Variants in ZAN observed in about 807,000 individuals in gnomAD.
ZAN encodes the protein zonadhesin (gene/pseudogene).
A neutral mutation model predicts 286.2 loss-of-function variants in ZAN; 260 were observed. The observed-to-expected ratio is 0.91, with a 90% CI of 0.82 to 1.01. ZAN has a LOEUF of 1.01. Ranked by LOEUF, ZAN falls within the 50% of genes least tolerant of loss-of-function variation. The pLI is 0.00. For synonymous variants in ZAN, 1,368 were observed against 1,417.5 expected, an observed-to-expected ratio of 0.97 and a Z score of 0.79; for missense variants, 3,410 against 3,639.2, an observed-to-expected ratio of 0.94 and a Z score of 1.62.
chr7:100,739,006 T>TCTC (rs1807557008), intron 7 of ZAN, among the ~76,000 whole-genome samples: 1 of 76,232 alleles, frequency 1.3e-5, no homozygotes, highest in Non-Finnish European at 3.1e-5. Flanking sequence ...TCCTTCTCCT[T>TCTC]CTTCTTTTTC....
chr7:100,765,246 G>T, intron 22 of ZAN, 106 bp from the exon 23 acceptor site: 1 of 1,259,958 alleles, frequency 7.9e-7, no homozygotes, highest in Non-Finnish European at 1.1e-6. Context: ...TCTCGAGATT[G>T]GCCAGAAGCC....
In ZAN at chr7:100,762,330, T is replaced by G. The variant is rs1584586032; in HGVS notation, c.3958T>G (p.Trp1320Gly). 1 of 1,611,284 alleles carries G rather than the reference T, an allele frequency of 6.2e-7. No homozygotes were observed. ...AGACAAGGAGGAGCTGGGGAACAGCTGGCAGACGGACCAGGACGAGGACCA... is the reference window on the plus strand; with the variant it reads ...AGACAAGGAGGAGCTGGGGAACAGCGGGCAGACGGACCAGGACGAGGACCA... The part of the protein sequence containing the change: ...AGDKEELGNS[W>G]QTDQDEDQEC... Residue 1320 changes from tryptophan (W) to glycine (G), a missense_variant, in exon 20 of 48, where the codon TGG becomes GGG. Transcript: ENST00000613979.
Position 100,734,626 on chromosome 7 carries a change from A to AAAC in ZAN, c.53+407_53+408insCAA, listed in dbSNP as rs528460358. On this transcript the variant is annotated intron_variant, in intron 2 of 47. Transcript: ENST00000613979. ...AGAGCGAGACTCCGTCTCAAAAAAA[A>AAAC]AAAAACAAAAAAAAAGACCTTGAGA... 1.4e-4 allele frequency among the ~76,000 whole-genome samples: 20 copies of AAAC among 139,202 alleles called. 3 individuals carry two copies. The highest frequency in any genetic ancestry group is 4.4e-4 in the African/African-American group (17 of 38,206). 91.3% of individuals were successfully genotyped at this position (139,202 alleles called of 152,430 possible).
intron 41 of ZAN, 56 bp downstream of exon 41, chr7:100,792,204 C>T (rs994028975): frequency 3.9e-6 from 6 of 1,521,678 alleles, no homozygotes; most frequent in Non-Finnish European, 5.3e-6. Flanking sequence ...TCTGGTCTTT[C>T]CCTGGGGCCT....
At chr7:100,746,513 A>G in intron 7 of ZAN, 25 bp from the exon 8 acceptor site, 1 of 1,613,010 alleles carries the variant, frequency 6.2e-7, no homozygotes, top group Non-Finnish European at 8.5e-7. Context: ...CATCCACCCC[A>G]GTTCCCTGGC....
At chr7:100,765,304 C>T in intron 22 of ZAN, 48 bp from the exon 23 acceptor site, 1 of 1,596,756 alleles carries the variant, frequency 6.3e-7, no homozygotes, top group East Asian at 2.3e-5. Flanking sequence ...CCCACCCAGC[C>T]CCGTGGCTTG....
intron 35 of ZAN, among the ~76,000 whole-genome samples, chr7:100,782,894 C>T (rs542376214): frequency 2.6e-5 from 4 of 152,296 alleles, no homozygotes; most frequent in South Asian, 2.1e-4. Flanking sequence ...GGATCCATAT[C>T]TGAGCTTTCT....
Position 100,752,088 on chromosome 7 carries a change from C to T in ZAN, c.1983C>T (p.Pro661=). ...AACCCACCGTCCCCACAGAAGAGCC[C>T]ACCACCCCCACTGAGGAGACCACCA... ...TEKPTVPTEE[P]TTPTEETTTS... is the part of the protein sequence containing the mutation. The change falls in exon 14 of 48, where the codon CCC becomes CCT. Residue 661 remains proline, a synonymous_variant. Coordinates refer to ENST00000613979, the MANE Select transcript of ZAN (RefSeq NM_003386.3). 1 of 1,612,570 alleles carries T rather than the reference C, an allele frequency of 6.2e-7. No homozygotes were observed. Among genetic ancestry groups the T allele is most frequent in the South Asian group, 1.1e-5 (1 of 90,998 alleles).
chr7:100,797,485 G>C lies in ZAN; in HGVS notation c.8366+20G>C, dbSNP rs966501740. ...GAAGAGGTGAGTCCTGGGAAGGAGAGAGGAAGGGCGGGTGGGGTGTGCAAA... is the reference window on the plus strand; with the variant it reads ...GAAGAGGTGAGTCCTGGGAAGGAGACAGGAAGGGCGGGTGGGGTGTGCAAA... On this transcript the variant is annotated intron_variant, in intron 46 of 47. Coordinates refer to ENST00000613979, the MANE Select transcript of ZAN (RefSeq NM_003386.3). The C allele has an allele frequency of 6.2e-7, 1 of 1,613,874 alleles. No individual in the cohort carries two copies. Among genetic ancestry groups the C allele is most frequent in the South Asian group, 1.1e-5 (1 of 91,076 alleles).
chr7:100,793,341 T>C (rs1434105756), intron 42 of ZAN, among the ~76,000 whole-genome samples: 1 of 151,260 alleles, frequency 6.6e-6, no homozygotes, highest in Non-Finnish European at 1.5e-5. Flanking sequence ...ACTCCATCTC[T>C]AAAAAAAATT....
chr7:100,771,729 G>A, intron 28 of ZAN, 115 bp from the exon 29 acceptor site: 2 of 1,174,344 alleles, frequency 1.7e-6, no homozygotes, highest in Non-Finnish European at 2.4e-6. Context: ...ACTGTGCCTG[G>A]CGGGAAAATC....
At chr7:100,744,535 T>C (rs991952364) in intron 7 of ZAN, among the ~76,000 whole-genome samples, 2 of 150,658 alleles carry the variant, frequency 1.3e-5, no homozygotes, top group African/African-American at 4.9e-5. Context: ...GAGGCGGAGG[T>C]TGCAGTGAGC....
chr7:100,794,111 C>G lies in ZAN; in HGVS notation c.7987-9C>G, dbSNP rs761728764. On this transcript the variant is annotated splice_polypyrimidine_tract_variant and intron_variant, in intron 43 of 47. Coordinates refer to ENST00000613979, the MANE Select transcript of ZAN (RefSeq NM_003386.3). ...TGGAACGTCTCCTCCTGGCCCTTCC[C>G]CTTTCTAGCTGGGCAGCAGCTTTCT... 1 of 1,613,980 alleles carries G rather than the reference C, an allele frequency of 6.2e-7. No homozygotes were observed. The highest frequency in any genetic ancestry group is 1.7e-5 in the Admixed American group (1 of 60,010).
chr7:100,787,492 G>T (rs961817914), intron 37 of ZAN, among the ~76,000 whole-genome samples: 2 of 152,136 alleles, frequency 1.3e-5, no homozygotes, highest in African/African-American at 4.8e-5. Flanking sequence ...GGCCACAGGG[G>T]ATGCCACCGT....
rs183581614 is a variant in ZAN, at chr7:100,757,766, A to C, written c.3310-436A>C. Among the ~76,000 whole-genome samples the C allele has an allele frequency of 6.4e-3, 937 of 146,126 alleles. 9 individuals carry two copies. Among genetic ancestry groups the C allele is most frequent in the Middle Eastern group, 0.025 (6 of 240 alleles). ...TGAGACTCCGTCTCAAAAAAAAAAA[A>C]AAAAACAAAAAAACAGACAGACATA... On this transcript the variant is annotated intron_variant, in intron 15 of 47. Transcript: ENST00000613979.
chr7:100,779,453 A>G lies in ZAN; in HGVS notation c.6325A>G (p.Ser2109Gly). ...KDKDIDPSCQ[S>G]LLVDEQQIPA... Reference sequence around the variant, plus strand: ...ATTCTTTTCCCTTCCCAGTTGTCAGAGTCTCCTGGTAGATGAGCAGCAGAT... The same window carrying G: ...ATTCTTTTCCCTTCCCAGTTGTCAGGGTCTCCTGGTAGATGAGCAGCAGAT... The change falls in exon 35 of 48, where the codon AGT becomes GGT. Residue 2109 changes from serine (S) to glycine (G), a missense_variant. By Grantham distance (56) the Ser-to-Gly change is moderately conservative. Transcript: ENST00000613979. 1 of 1,602,098 alleles carries G rather than the reference A, an allele frequency of 6.2e-7. No individual in the cohort carries two copies. The highest frequency in any genetic ancestry group is 8.5e-7 in the Non-Finnish European group (1 of 1,172,790).
Position 100,769,887 on chromosome 7 carries a change from C to CTT in ZAN, c.5162_5163dup (p.Val1722LeufsTer25). The CTT allele has an allele frequency of 6.4e-7, 1 of 1,556,370 alleles. No homozygotes were observed. The highest frequency in any genetic ancestry group is 8.7e-7 in the Non-Finnish European group (1 of 1,149,442). On this transcript the variant is annotated frameshift_variant, in exon 28 of 48. Coordinates refer to ENST00000613979, the MANE Select transcript of ZAN (RefSeq NM_003386.3). LOFTEE classifies it high-confidence loss of function. ...CTATTCTCTCTCATTTAGCTGTTTC[C>CTT]TTGTGGGTGGCAAGCCCTCCAGCTG...
At position 100,776,432 on chromosome 7, in the gene ZAN, C is replaced by T. The variant is rs755482859; in HGVS notation, c.6193-8C>T. 15 of 1,602,838 alleles carry T rather than the reference C, an allele frequency of 9.4e-6. No homozygotes were observed. The Admixed American group carries it at 2.6e-4, about 27-fold the overall frequency. On this transcript the variant is annotated splice_region_variant and splice_polypyrimidine_tract_variant and intron_variant, in intron 33 of 47. Transcript: ENST00000613979. ...CCCCAGCACCGAAAAACCACTCTCCCCCGCCAGGTCTGCGGCATGTGTGGG... is the reference window on the plus strand; with the variant it reads ...CCCCAGCACCGAAAAACCACTCTCCTCCGCCAGGTCTGCGGCATGTGTGGG...
At chr7:100,793,350 T>C (rs1461304352) in intron 42 of ZAN, among the ~76,000 whole-genome samples, 2 of 151,118 alleles carry the variant, frequency 1.3e-5, no homozygotes, top group African/African-American at 2.4e-5. Context: ...CTAAAAAAAA[T>C]TTAAAAAAAT....
Sources: allele counts gnomAD v4.1 joint callset (sites outside exome capture counted in the v4.1 genomes callset), GRCh38; gene constraint gnomAD v4.1.1; transcripts MANE v1.5; gene names NCBI Gene and HGNC (gene_info 2026-07-23, HGNC 2026-07-21).